The following GNPAT variants were observed in gnomAD, a reference collection of about 807,000 sequenced individuals.
The protein encoded by GNPAT is dihydroxyacetone phosphate acyltransferase.
Under a neutral mutation model 78.4 loss-of-function variants are expected in GNPAT, and 30 were observed. The observed-to-expected ratio is 0.38, with a 90% CI of 0.29 to 0.52. The LOEUF is 0.52. Ranked by LOEUF, GNPAT falls within the 20% of genes least tolerant of loss-of-function variation. The pLI is 0.84. For missense variants in GNPAT, 714 were observed against 812.2 expected (o/e 0.88, Z 1.47); for synonymous variants, 271 against 281.1 (o/e 0.96, Z 0.36).
intron 9 of GNPAT, 142 bp from the exon 10 acceptor site, chr1:231,270,616 C>A: frequency 1.2e-6 from 1 of 816,688 alleles, no homozygotes; most frequent in Non-Finnish European, 2.2e-6. Context: ...GATTTGGTAT[C>A]ATTACCGTAA....
At position 231,270,961 on chromosome 1, in the gene GNPAT, G is replaced by A. The variant is rs11122266; in HGVS notation, c.1483G>A (p.Val495Ile). ...LLNIFVRPSL[V>I]AVALQMTPGF... ...CAACATTTTTGTGCGCCCATCCTTA[G>A]TAGCAGTAGCATTGCAGATGACACC... is the stretch of plus-strand genomic sequence containing the variant. Residue 495 changes from valine to isoleucine, a missense_variant, in exon 10 of 16, where the codon GTA becomes ATA. Transcript: ENST00000366647. The A allele has an allele frequency of 2.3e-3, 3,678 of 1,614,056 alleles. 94 individuals are homozygous for A. In the African/African-American group the frequency reaches 0.041, roughly 18 times the overall value.
At position 231,266,089 on chromosome 1, in the gene GNPAT, G is replaced by GTT. The variant is rs1558334625; in HGVS notation, c.849_850dup (p.Tyr284PhefsTer16). 1 of 1,611,082 alleles carries GTT rather than the reference G, an allele frequency of 6.2e-7. No individual in the cohort carries two copies. Among genetic ancestry groups the GTT allele is most frequent in the Middle Eastern group, 1.7e-4 (1 of 6,058 alleles). On this transcript the variant is annotated frameshift_variant, in exon 7 of 16. Transcript: ENST00000366647. LOFTEE classifies it high-confidence loss of function. The stretch of plus-strand genomic sequence containing the variant: ...ACCTACCTTGTCCCAATTAGTATCA[G>GTT]TTATGATAAGATCTTGGAAGAAACT...
At chr1:231,242,623 A>G (rs1684644367) in intron 1 of GNPAT, among the ~76,000 whole-genome samples, 1 of 152,208 alleles carries the variant, frequency 6.6e-6, no homozygotes, top group Admixed American at 6.5e-5. Flanking sequence ...GCTACTCCAG[A>G]GCAGGCACGA....
In GNPAT at chr1:231,277,570, G is replaced by A. The variant is rs878912406; in HGVS notation, c.*28G>A. ...ATCAACAAATAGTTATGGAAAATTC[G>A]GTCACGTAATTACTCTCATCGAAGG... On this transcript the variant is annotated 3_prime_UTR_variant, in exon 16 of 16. Coordinates refer to ENST00000366647, the MANE Select transcript of GNPAT (RefSeq NM_014236.4). 3 of 1,429,272 alleles carry A rather than the reference G, an allele frequency of 2.1e-6. No homozygotes were observed. Among genetic ancestry groups the A allele is most frequent in the South Asian group, 1.1e-5 (1 of 87,396 alleles). The allele number at this position is 1,429,272 out of a possible 1,614,324, so 88.5% of individuals were successfully genotyped here.
chr1:231,246,800 C>T (rs952951540), intron 1 of GNPAT, among the ~76,000 whole-genome samples: 3 of 152,226 alleles, frequency 2.0e-5, no homozygotes, highest in Non-Finnish European at 4.4e-5. Context: ...TCAGAAATCT[C>T]TACAGGTGGA....
chr1:231,272,959 A>G (rs1242601137), intron 11 of GNPAT, among the ~76,000 whole-genome samples: 1 of 152,150 alleles, frequency 6.6e-6, no homozygotes, highest in African/African-American at 2.4e-5. Context: ...TGGTGACAAG[A>G]GGAAGACTCC....
In GNPAT at chr1:231,269,502, G is replaced by A. The variant is rs543284402; in HGVS notation, c.1280-1256G>A. On this transcript the variant is annotated intron_variant, in intron 9 of 15. Transcript: ENST00000366647. ...GCAGGATGCCTGAGATGCCTGAGCCGCAGCAGTGGAGGCACTCAGGGCACA... is the reference window on the plus strand; with the variant it reads ...GCAGGATGCCTGAGATGCCTGAGCCACAGCAGTGGAGGCACTCAGGGCACA... Among the ~76,000 whole-genome samples the A allele has an allele frequency of 7.2e-5, 11 of 152,292 alleles. 1 individual carries two copies. The South Asian group carries it at 1.0e-3, about 14-fold the overall frequency.
At chr1:231,256,479 C>CTGT (rs576794638) in intron 2 of GNPAT, among the ~76,000 whole-genome samples, 3 of 75,904 alleles carry the variant, frequency 4.0e-5, no homozygotes, top group Non-Finnish European at 6.9e-5. Context: ...CTAATTTTCT[C>CTGT]TTTTTTTTTT....
At chr1:231,249,949 T>G (rs950875505) in intron 1 of GNPAT, among the ~76,000 whole-genome samples, 1 of 151,838 alleles carries the variant, frequency 6.6e-6, no homozygotes, top group African/African-American at 2.4e-5. Flanking sequence ...GAATAAGAAA[T>G]AAAAAATTTG....
intron 6 of GNPAT, 68 bp downstream of exon 6, chr1:231,265,855 G>A (rs910841005): frequency 1.9e-5 from 21 of 1,098,646 alleles, no homozygotes; most frequent in African/African-American, 4.6e-5. Flanking sequence ...AAAACTTGAC[G>A]CTTTATTTAA....
rs55848293 is a variant in GNPAT at position 231,259,157 on chromosome 1, C to CTT, written c.262-1337_262-1336dup. Among the ~76,000 whole-genome samples the CTT allele has an allele frequency of 3.2e-3, 465 of 145,230 alleles. 1 individual carries two copies. The highest frequency in any genetic ancestry group is 8.6e-3 in the African/African-American group (338 of 39,498). ...GTTCTCTTCTGACTATATTTATAAA[C>CTT]TTTTTTTTTTTTTTGGCACAATCAC... is the stretch of plus-strand genomic sequence containing the variant. On this transcript the variant is annotated intron_variant, in intron 2 of 15. Transcript: ENST00000366647.
intron 8 of GNPAT, 137 bp downstream of exon 8, chr1:231,266,544 C>T (rs1037602514): frequency 5.3e-5 from 42 of 793,168 alleles, no homozygotes; most frequent in Non-Finnish European, 8.8e-5. Context: ...TGTTATCATT[C>T]CGTTTTCATC....
chr1:231,245,587 G>A (rs1409610115), intron 1 of GNPAT, among the ~76,000 whole-genome samples: 1 of 152,126 alleles, frequency 6.6e-6, no homozygotes, highest in East Asian at 1.9e-4. Context: ...TTCCAGTGGT[G>A]TGCTACAGCA....
intron 2 of GNPAT, among the ~76,000 whole-genome samples, chr1:231,256,130 A>T (rs1470536707): frequency 1.3e-5 from 2 of 152,154 alleles, no homozygotes; most frequent in African/African-American, 2.4e-5. Flanking sequence ...ACATCTCCCT[A>T]TTATAAATAA....
rs1302067924 is a variant in GNPAT at position 231,277,670 on chromosome 1, A to G, written c.*128A>G. 7.2e-5 allele frequency: 51 copies of G among 712,388 alleles called. No homozygotes were observed. The highest frequency in any genetic ancestry group is 4.7e-4 in the Middle Eastern group (2 of 4,266). The allele number at this position is 712,388 out of a possible 1,614,324, so 44.1% of individuals were successfully genotyped here. A position where few individuals can be genotyped will look rare whatever the true frequency, so the allele number is the denominator to read the frequency against. ...CTCCCTGAGACTCTGAGAACAGTGG[A>G]CGCAGAGGGAAGAGATGATCATTGG... is the stretch of plus-strand genomic sequence containing the variant. On this transcript the variant is annotated 3_prime_UTR_variant, in exon 16 of 16. Transcript: ENST00000366647.
chr1:231,267,660 C>A lies in GNPAT; in HGVS notation c.1056-20C>A, dbSNP rs114267453. On this transcript the variant is annotated intron_variant, in intron 8 of 15. Transcript: ENST00000366647. ...TAAGTAACAGAACTGTAATTTGTTG[C>A]TCTGTGCTCTTCCTTTTAGATACAT... 3.4e-4 allele frequency: 449 copies of A among 1,322,770 alleles called. 1 individual carries two copies. The African/African-American group carries it at 5.9e-3, about 17-fold the overall frequency. The allele number at this position is 1,322,770 out of a possible 1,614,324, so 81.9% of individuals were successfully genotyped here.
chr1:231,268,107 C>T (rs2102820427), intron 9 of GNPAT, among the ~76,000 whole-genome samples: 1 of 152,158 alleles, frequency 6.6e-6, no homozygotes, highest in Admixed American at 6.5e-5. Context: ...TTGAGACCAT[C>T]CTGGCTAACG....
chr1:231,249,946 A>G (rs1355537822), intron 1 of GNPAT, among the ~76,000 whole-genome samples: 1 of 152,064 alleles, frequency 6.6e-6, no homozygotes, highest in Admixed American at 6.5e-5. Context: ...GCTGAATAAG[A>G]AATAAAAAAT....
Position 231,267,872 on chromosome 1 carries a change from C to T in GNPAT, c.1248C>T (p.Thr416=). ...VEKTLWLKGL[T]QAFGGFLIWP... is the part of the protein sequence containing the mutation. Reference sequence around the variant, plus strand: ...AGACTTTATGGCTAAAAGGCTTAACCCAGGCATTTGGAGGGTTTCTCATTT... The same window carrying T: ...AGACTTTATGGCTAAAAGGCTTAACTCAGGCATTTGGAGGGTTTCTCATTT... Residue 416 remains threonine (T), a synonymous_variant, in exon 9 of 16, where the codon ACC becomes ACT. Coordinates refer to ENST00000366647, the MANE Select transcript of GNPAT (RefSeq NM_014236.4). 6.2e-7 allele frequency: 1 copy of T among 1,612,274 alleles called. No homozygotes were observed. The highest frequency in any genetic ancestry group is 8.5e-7 in the Non-Finnish European group (1 of 1,178,320).
Sources: allele counts gnomAD v4.1 joint callset (sites outside exome capture counted in the v4.1 genomes callset), GRCh38; gene constraint gnomAD v4.1.1; transcripts MANE v1.5; gene names NCBI Gene and HGNC (gene_info 2026-07-23, HGNC 2026-07-21).